The following FBXO42 variants were observed in gnomAD, a reference collection of about 807,000 sequenced individuals.
The protein encoded by FBXO42 is F-box only protein 42.
A neutral mutation model predicts 71.7 loss-of-function variants in FBXO42; 12 were observed. The ratio of observed to expected loss-of-function variants is 0.17; its 90% CI spans 0.11 to 0.27. The LOEUF (loss-of-function observed/expected upper bound fraction) is 0.27, where lower values mean the gene tolerates loss of function less well. Ranked by LOEUF, FBXO42 falls within the 10% of genes least tolerant of loss-of-function variation. FBXO42 has a pLI of 1.00. For missense variants in FBXO42, 707 were observed against 911.9 expected (o/e 0.78, Z 2.89); for synonymous variants, 325 against 327.5 (o/e 0.99, Z 0.08).
intron 4 of FBXO42, among the ~76,000 whole-genome samples, chr1:16,280,082 G>A (rs1557581888): frequency 1.3e-5 from 2 of 152,010 alleles, no homozygotes; most frequent in Admixed American, 6.6e-5. Flanking sequence ...TCCTGGCCTC[G>A]AATGATCCAC....
intron 1 of FBXO42, among the ~76,000 whole-genome samples, chr1:16,318,375 T>C (rs1300106426): frequency 6.6e-6 from 1 of 151,740 alleles, no homozygotes; most frequent in Non-Finnish European, 1.5e-5. Context: ...CTGAGGTCGC[T>C]CCACTGCACT....
chr1:16,337,913 A>AAAAAAAAAAAAAAAAAAAAAAAC (rs2082566904), intron 1 of FBXO42, among the ~76,000 whole-genome samples: 1 of 140,676 alleles, frequency 7.1e-6, no homozygotes, highest in Non-Finnish European at 1.6e-5. Context: ...AAAAAAAAAA[A>AAAAAAAAAAAAAAAAAAAAAAAC]AAAGAATAAT....
chr1:16,352,166 G>A (rs1294252356), intron 1 of FBXO42, 89 bp downstream of exon 1: 9 of 390,304 alleles, frequency 2.3e-5, no homozygotes, highest in African/African-American at 1.4e-4. Flanking sequence ...GTCAGACCCC[G>A]GGCGCCCGCT....
chr1:16,328,124 A>G (rs1349625874), intron 1 of FBXO42, among the ~76,000 whole-genome samples: 1 of 152,138 alleles, frequency 6.6e-6, no homozygotes, highest in Non-Finnish European at 1.5e-5. Context: ...CTCACAACCC[A>G]CATTTGTCAA....
chr1:16,275,971 TAAAC>T (rs1427788463), intron 4 of FBXO42, among the ~76,000 whole-genome samples: 1 of 150,984 alleles, frequency 6.6e-6, no homozygotes, highest in African/African-American at 2.4e-5. Context: ...TCAAAATAAA[TAAAC>T]AAAAAAGGGC....
intron 4 of FBXO42, among the ~76,000 whole-genome samples, chr1:16,279,864 T>TTTTTTTTTTTTTTA (rs2081944086): frequency 2.7e-5 from 4 of 150,568 alleles, no homozygotes; most frequent in African/African-American, 9.8e-5. Flanking sequence ...CTTTTTTTTT[T>TTTTTTTTTTTTTTA]GAGACAGAGT....
chr1:16,280,162 T>G (rs1399776008), intron 4 of FBXO42, among the ~76,000 whole-genome samples: 2 of 152,178 alleles, frequency 1.3e-5, no homozygotes, highest in East Asian at 3.9e-4. Flanking sequence ...TATGTACTCT[T>G]GATCTGATGT....
At chr1:16,313,779 C>T (rs1481760404) in intron 2 of FBXO42, among the ~76,000 whole-genome samples, 1 of 152,184 alleles carries the variant, frequency 6.6e-6, no homozygotes, top group Non-Finnish European at 1.5e-5. Context: ...CAGGAAAGAA[C>T]ACATTGAGAC....
At position 16,315,294 on chromosome 1, in the gene FBXO42, C is replaced by G; in HGVS notation, c.125G>C (p.Arg42Thr). 6.2e-7 allele frequency: 1 copy of G among 1,614,136 alleles called. No homozygotes were observed. Among genetic ancestry groups the G allele is most frequent in the Non-Finnish European group, 8.5e-7 (1 of 1,180,026 alleles). Residue 42 changes from arginine to threonine, a missense_variant, in exon 2 of 10, where the codon AGA (arginine) becomes ACA (threonine). By Grantham distance (71) the Arg-to-Thr change is moderately conservative. Transcript: ENST00000375592. ...PHPVLEAEET[R>T]HNRSMSELPE... ...CAGCTCCGACATGGACCTATTATGT[C>G]TAGTCTCCTCAGCCTCCAATACTGG... is the stretch of plus-strand genomic sequence containing the variant.
At chr1:16,272,400 C>T (rs1359981827) in intron 4 of FBXO42, among the ~76,000 whole-genome samples, 5 of 151,918 alleles carry the variant, frequency 3.3e-5, no homozygotes, top group South Asian at 2.1e-4. Context: ...GCTGGGATTA[C>T]AGGCATGCAC....
intron 4 of FBXO42, among the ~76,000 whole-genome samples, chr1:16,279,854 C>CTTTTT (rs1553151074): frequency 1.0e-4 from 14 of 138,188 alleles, no homozygotes; most frequent in Admixed American, 5.1e-4. Context: ...TTTTTTTTTT[C>CTTTTT]TTTTTTTTTT....
chr1:16,263,387 G>C (rs192397912), intron 4 of FBXO42, among the ~76,000 whole-genome samples: 166 of 152,176 alleles, frequency 1.1e-3, no homozygotes, highest in African/African-American at 3.9e-3. Context: ...AGCTTGCATT[G>C]AGCCAAGATC....
Position 16,252,381 on chromosome 1 carries a change from C to T in FBXO42, c.945G>A (p.Leu315=). 2 of 1,614,090 alleles carry T rather than the reference C, an allele frequency of 1.2e-6. No individual in the cohort carries two copies. Among genetic ancestry groups the T allele is most frequent in the Non-Finnish European group, 1.7e-6 (2 of 1,179,990 alleles). ...AGGCCCAAGGACCAGAATGCATGTG[C>T]AACAACCAAGCATCCTTGAATAGCT... ...PNALFKDAWL[L]HMHSGPWAWQ... The change falls in exon 9 of 10, where the codon TTG becomes TTA. Residue 315 remains leucine, a synonymous_variant. Transcript: ENST00000375592. This position sits in a 1 kb window ranked among gnomAD's most constrained non-coding sequence, Gnocchi z 4.4.
intron 1 of FBXO42, among the ~76,000 whole-genome samples, chr1:16,334,436 A>AC (rs1203862084): frequency 1.3e-5 from 2 of 151,432 alleles, no homozygotes; most frequent in African/African-American, 4.9e-5. Context: ...AAAAAAAAAA[A>AC]AAAACAGACT....
At chr1:16,264,725 G>A (rs2081752774) in intron 4 of FBXO42, among the ~76,000 whole-genome samples, 2 of 152,118 alleles carry the variant, frequency 1.3e-5, no homozygotes, top group Non-Finnish European at 2.9e-5. Context: ...TTCAAAACAA[G>A]GCACAAGCCC....
In FBXO42 at chr1:16,250,487, A is replaced by ATATT. The variant is rs2081580223; in HGVS notation, c.*179_*182dup. Reference sequence around the variant, plus strand: ...AGTTGGCTATATAATATATATATATATATTTATATATAATTTTTTTTCTTA... The same window carrying ATATT: ...AGTTGGCTATATAATATATATATATATATTTATTTATATATAATTTTTTTTCTTA... On this transcript the variant is annotated 3_prime_UTR_variant, in exon 10 of 10. Coordinates refer to ENST00000375592, the MANE Select transcript of FBXO42 (RefSeq NM_018994.3). The surrounding 1 kb of genome is among the most constrained non-coding windows in gnomAD (Gnocchi z 4.7). 1 of 177,904 alleles carries ATATT rather than the reference A, an allele frequency of 5.6e-6. No homozygotes were observed. The highest frequency in any genetic ancestry group is 2.4e-5 in the African/African-American group (1 of 41,234). The allele number at this position is 177,904 out of a possible 1,614,324, so 11.0% of individuals were successfully genotyped here.
chr1:16,335,165 G>T (rs961974003), intron 1 of FBXO42, among the ~76,000 whole-genome samples: 16 of 151,516 alleles, frequency 1.1e-4, no homozygotes, highest in Admixed American at 4.6e-4. Context: ...ATGGTGGCTT[G>T]TGTCTGTATC....
In FBXO42 at chr1:16,252,368, C is replaced by T. The variant is rs748543088; in HGVS notation, c.958G>A (p.Gly320Ser). 1.9e-6 allele frequency: 3 copies of T among 1,614,134 alleles called. No homozygotes were observed. In the East Asian group the frequency reaches 6.7e-5, roughly 36 times the overall value. Residue 320 changes from glycine to serine, a missense_variant, in exon 9 of 10, where the codon GGT becomes AGT. Physicochemically the swap from Gly to Ser is moderately conservative, Grantham distance 56 (BLOSUM62 0). Transcript: ENST00000375592. The surrounding 1 kb of genome is among the most constrained non-coding windows in gnomAD (Gnocchi z 4.4). ...TTGAGTGGCTGCCAGGCCCAAGGAC[C>T]AGAATGCATGTGCAACAACCAAGCA... is the stretch of plus-strand genomic sequence containing the variant. ...KDAWLLHMHS[G>S]PWAWQPLKVE...
intron 4 of FBXO42, among the ~76,000 whole-genome samples, chr1:16,283,495 T>TTTTTTTTTTTTTTG (rs2081987733): frequency 1.5e-5 from 1 of 68,724 alleles, no homozygotes; most frequent in Non-Finnish European, 2.8e-5. Context: ...CTGTGGCAAG[T>TTTTTTTTTTTTTTG]TTTTTTTTTT....
Sources: allele counts gnomAD v4.1 joint callset (sites outside exome capture counted in the v4.1 genomes callset), GRCh38; gene constraint gnomAD v4.1.1; non-coding constraint Gnocchi (gnomAD v3.1); transcripts MANE v1.5; gene names NCBI Gene and HGNC (gene_info 2026-07-23, HGNC 2026-07-21).